Variants in LEPR observed in about 807,000 individuals in gnomAD.
The protein encoded by LEPR is leptin receptor, also known as OB receptor.
LEPR carries 56 observed loss-of-function variants against 114.7 expected under a neutral mutation model. That is an observed-to-expected ratio of 0.49 (90% CI 0.39 to 0.61). The LOEUF is 0.61. Among genes scored for constraint, LEPR ranks in the 20% least tolerant of loss-of-function variants. LEPR has a pLI of 0.00. For missense variants in LEPR, 1,202 were observed against 1,352.9 expected, an observed-to-expected ratio of 0.89 and a Z score of 1.75; for synonymous variants, 443 against 461.4, an observed-to-expected ratio of 0.96 and a Z score of 0.51.
At position 65,421,205 on chromosome 1, in the gene LEPR, G is replaced by C. The variant is rs1311504536; in HGVS notation, c.-97+465G>C. 2.9e-6 allele frequency: 3 copies of C among 1,038,346 alleles called. No homozygotes were observed. In the African/African-American group the frequency reaches 4.8e-5, roughly 17 times the overall value. The allele number at this position is 1,038,346 out of a possible 1,614,324, so 64.3% of individuals were successfully genotyped here. A position where few individuals can be genotyped will look rare whatever the true frequency, so the allele number is the denominator to read the frequency against. ...CTAATGATTTTTCCAACTGGGCAGA[G>C]TTGACCGCGGGCGGGTGTCAATGGA... On this transcript the variant is annotated intron_variant, in intron 1 of 19. Transcript: ENST00000349533.
intron 2 of LEPR, chr1:65,434,259 A>G (rs983889743): frequency 1.0e-6 from 1 of 981,574 alleles, no homozygotes. Flanking sequence ...ATCTGAATAT[A>G]TAATACAAAA....
chr1:65,446,368 G>A (rs1342311665), intron 2 of LEPR, among the ~76,000 whole-genome samples: 3 of 152,096 alleles, frequency 2.0e-5, no homozygotes, highest in African/African-American at 4.8e-5. Context: ...CTGTCATGGC[G>A]CTAGTGGGAG....
At chr1:65,432,159 C>T (rs1646494559) in intron 2 of LEPR, 7 of 1,162,544 alleles carry the variant, frequency 6.0e-6, no homozygotes, top group Non-Finnish European at 7.4e-6. Flanking sequence ...TTCATGTAGT[C>T]ACGGTGCTCT....
At chr1:65,576,847 C>A in intron 5 of LEPR, 1 of 295,136 alleles carries the variant, frequency 3.4e-6, no homozygotes, top group South Asian at 4.1e-5. Flanking sequence ...AAGAACTTAC[C>A]TCCACACACC....
At position 65,505,323 on chromosome 1, in the gene LEPR, C is replaced by T. The variant is rs562382976; in HGVS notation, c.-20-60223C>T. 3.3e-5 allele frequency among the ~76,000 whole-genome samples: 5 copies of T among 152,138 alleles called. No individual in the cohort carries two copies. In the East Asian group the frequency reaches 9.6e-4, roughly 29 times the overall value. ...ACATCTTAAAATGTCTCGTAATTTTCCTCCAATTGAAATGAAAAAAAGAAA... is the reference window on the plus strand; with the variant it reads ...ACATCTTAAAATGTCTCGTAATTTTTCTCCAATTGAAATGAAAAAAAGAAA... On this transcript the variant is annotated intron_variant, in intron 2 of 19. Transcript: ENST00000349533.
intron 2 of LEPR, among the ~76,000 whole-genome samples, chr1:65,479,532 A>G (rs1647194631): frequency 6.6e-6 from 1 of 152,220 alleles, no homozygotes; most frequent in Non-Finnish European, 1.5e-5. Context: ...TCTGGCATAT[A>G]CCAGCTTCGC....
In LEPR at chr1:65,573,276, C is replaced by T. The variant is rs548782354; in HGVS notation, c.494+827C>T. 1.1e-4 allele frequency among the ~76,000 whole-genome samples: 16 copies of T among 152,218 alleles called. 1 individual carries two copies. The highest frequency in any genetic ancestry group is 6.8e-3 in the Middle Eastern group (2 of 294). On this transcript the variant is annotated intron_variant, in intron 5 of 19. Transcript: ENST00000349533. ...CATCTGCCTTGGCCTGATTCTTGAC[C>T]GAAGCACATCCATGTACCTTACAAA...
At chr1:65,511,429 TACACACACACACACACACACACAC>T (rs5774756) in intron 2 of LEPR, among the ~76,000 whole-genome samples, 6 of 147,600 alleles carry the variant, frequency 4.1e-5, no homozygotes, top group African/African-American at 1.5e-4. Context: ...TATATATGTA[TACACACACACACACACACACACAC>T]ACACACACAC....
rs754773982 is a variant in LEPR at position 65,636,528 on chromosome 1, T to G, written c.3011T>G (p.Leu1004Arg). Residue 1004 changes from leucine to arginine, a missense_variant, in exon 20 of 20, where the codon CTT becomes CGT. By Grantham distance (102) the Leu-to-Arg change is moderately radical (BLOSUM62 -2). Coordinates refer to ENST00000349533, the MANE Select transcript of LEPR (RefSeq NM_002303.6). The part of the protein sequence containing the change: ...KPSETGEEQG[L>R]INSSVTKCFS... ...AGTGAAACTGGTGAAGAACAAGGGC[T>G]TATAAATAGTTCAGTCACCAAGTGC... 6.2e-7 allele frequency: 1 copy of G among 1,614,104 alleles called. No homozygotes were observed. Among genetic ancestry groups the G allele is most frequent in the South Asian group, 1.1e-5 (1 of 91,076 alleles).
chr1:65,566,199 T>C (rs1172941229), intron 3 of LEPR, among the ~76,000 whole-genome samples: 2 of 143,176 alleles, frequency 1.4e-5, no homozygotes, highest in African/African-American at 2.6e-5. Flanking sequence ...TGTAGATTAA[T>C]TCTTTTTTTT....
rs138341635 is a variant in LEPR at position 65,529,667 on chromosome 1, C to G, written c.-20-35879C>G. Among the ~76,000 whole-genome samples, 369 of 152,278 alleles carry G rather than the reference C, an allele frequency of 2.4e-3. 2 individuals carry two copies. Among genetic ancestry groups the G allele is most frequent in the African/African-American group, 8.3e-3 (346 of 41,556 alleles). On this transcript the variant is annotated intron_variant, in intron 2 of 19. Transcript: ENST00000349533. ...TCTTGTTTTCAATATTCTGCTAAAACTACGTCAAGGTCTACTACTGTCAAG... is the reference window on the plus strand; with the variant it reads ...TCTTGTTTTCAATATTCTGCTAAAAGTACGTCAAGGTCTACTACTGTCAAG...
intron 14 of LEPR, among the ~76,000 whole-genome samples, chr1:65,612,943 C>T (rs893707056): frequency 2.0e-5 from 3 of 152,028 alleles, no homozygotes; most frequent in African/African-American, 7.2e-5. Context: ...TGTCTGGCTT[C>T]CCACTGGAAA....
intron 2 of LEPR, among the ~76,000 whole-genome samples, chr1:65,493,603 A>T (rs921607000): frequency 6.6e-6 from 1 of 152,188 alleles, no homozygotes; most frequent in East Asian, 1.9e-4. Flanking sequence ...CATATAGTTC[A>T]ATAGTGTTAA....
At chr1:65,624,575 G>T (rs1013238277) in intron 19 of LEPR, among the ~76,000 whole-genome samples, 5 of 152,132 alleles carry the variant, frequency 3.3e-5, no homozygotes, top group African/African-American at 7.2e-5. Flanking sequence ...GTATAAATAC[G>T]TTTTACCTTC....
intron 19 of LEPR, chr1:65,626,215 TC>T: frequency 6.3e-7 from 1 of 1,587,632 alleles, no homozygotes; most frequent in Non-Finnish European, 8.6e-7. Flanking sequence ...GCACCTGCTC[TC>T]CCTGAGGTGT....
chr1:65,534,351 G>A (rs1022981), intron 2 of LEPR, among the ~76,000 whole-genome samples: 110,546 of 152,024 alleles, frequency 0.73, 41,284 homozygotes, highest in Middle Eastern at 0.9. Flanking sequence ...GCACTAATGA[G>A]TACAGGAAAA....
chr1:65,431,800 C>A, intron 2 of LEPR: 1 of 1,610,622 alleles, frequency 6.2e-7, no homozygotes, highest in South Asian at 1.1e-5. Context: ...TCTTGTCTTT[C>A]AGATCAAATG....
At chr1:65,521,193 T>C (rs1356676380) in intron 2 of LEPR, among the ~76,000 whole-genome samples, 1 of 152,248 alleles carries the variant, frequency 6.6e-6, no homozygotes, top group Non-Finnish European at 1.5e-5. Flanking sequence ...TTTTATATTT[T>C]ATTTTCACAT....
intron 14 of LEPR, among the ~76,000 whole-genome samples, chr1:65,613,597 C>CA (rs1657320298): frequency 7.8e-6 from 1 of 128,276 alleles, no homozygotes; most frequent in Non-Finnish European, 1.6e-5. Flanking sequence ...ACTAAAAATA[C>CA]AAAAAATTAG....
Sources: gnomAD v4.1 joint callset for allele counts (sites outside exome capture counted in the v4.1 genomes callset) on GRCh38, gnomAD v4.1.1 for gene constraint, MANE v1.5 for transcripts, NCBI Gene and HGNC (gene_info 2026-07-23, HGNC 2026-07-21) for gene names.